ACACA: variants seen among roughly 807,000 people sequenced by gnomAD.
ACACA encodes the protein acetyl-CoA carboxylase alpha, also known as acetyl-CoA carboxylase 1.
Under a neutral mutation model 296.1 loss-of-function variants are expected in ACACA, and 103 were observed. The ratio of observed to expected loss-of-function variants is 0.35; its 90% CI spans 0.30 to 0.41. The LOEUF (loss-of-function observed/expected upper bound fraction) is 0.41, where lower values mean the gene tolerates loss of function less well. Ranked by LOEUF, ACACA falls within the 10% of genes least tolerant of loss-of-function variation. ACACA has a pLI of 1.00. For missense variants in ACACA, 1,554 were observed against 2,989.7 expected (o/e 0.52, Z 11.20); for synonymous variants, 953 against 1,038.6 (o/e 0.92, Z 1.58).
chr17:37,161,010 A>T (rs2076437955), intron 42 of ACACA, among the ~76,000 whole-genome samples: 1 of 152,232 alleles, frequency 6.6e-6, no homozygotes, highest in African/African-American at 2.4e-5. Flanking sequence ...CCACTAGAAG[A>T]AAAGAAGTCA....
chr17:37,125,614 G>T, intron 48 of ACACA, 84 bp downstream of exon 48: 2 of 1,151,290 alleles, frequency 1.7e-6, no homozygotes, highest in Non-Finnish European at 2.6e-6. Context: ...GAACATTATT[G>T]GTATATATCT....
rs539447963 is a variant in ACACA at position 37,113,531 on chromosome 17, T to A, written c.6275-266A>T. On this transcript the variant is annotated intron_variant, in intron 50 of 55. Coordinates refer to ENST00000616317, the MANE Select transcript of ACACA (RefSeq NM_198834.3). This position sits in a 1 kb window ranked among gnomAD's most constrained non-coding sequence, Gnocchi z 4.0. Reference sequence around the variant, plus strand: ...TTCCAGATTGCCTTTCCATTTTATATCCTCTCTGAATTTCTGTACTCACGT... The same window carrying A: ...TTCCAGATTGCCTTTCCATTTTATAACCTCTCTGAATTTCTGTACTCACGT... Among the ~76,000 whole-genome samples, 6 of 152,320 alleles carry A rather than the reference T, an allele frequency of 3.9e-5. No homozygotes were observed. In the East Asian group the frequency reaches 1.2e-3, roughly 29 times the overall value.
chr17:37,287,532 G>C (rs971283552), intron 3 of ACACA, among the ~76,000 whole-genome samples: 3 of 136,082 alleles, frequency 2.2e-5, no homozygotes, highest in Non-Finnish European at 4.6e-5. Context: ...AGGAGTTCTA[G>C]ACCAGCTTGG....
chr17:37,382,962 G>A (rs763385020), intron 1 of ACACA, among the ~76,000 whole-genome samples: 13 of 152,130 alleles, frequency 8.5e-5, no homozygotes, highest in South Asian at 4.1e-4. Flanking sequence ...ACTTGAACCC[G>A]GGAGGCGGAG....
chr17:37,300,871 A>G (rs1450544693), intron 3 of ACACA, among the ~76,000 whole-genome samples: 2 of 152,138 alleles, frequency 1.3e-5, no homozygotes, highest in African/African-American at 4.8e-5. Context: ...TTTCCCTTTA[A>G]AGAACCAAGC....
rs2077232661 is a variant in ACACA, at chr17:37,179,306, T to C, written c.5033A>G (p.Asp1678Gly). 1 of 1,614,124 alleles carries C rather than the reference T, an allele frequency of 6.2e-7. No individual in the cohort carries two copies. The change falls in exon 41 of 56, where the codon GAT becomes GGT. Residue 1678 changes from aspartate to glycine, a missense_variant. Around this residue, in one of 16 missense-constraint regions of ACACA, gnomAD observed 553 missense variants for 1,043.6 expected, o/e 0.53. Transcript: ENST00000616317. Reference protein sequence around the residue: ...MLTYTELVLDDQGQLVHMNRL... With the variant: ...MLTYTELVLDGQGQLVHMNRL... ...GTTCATGTGGACCAGCTGACCTTGA[T>C]CATCCAGTACCAGTTCAGTGTAAGT...
At chr17:37,301,821 G>A (rs545069146) in intron 3 of ACACA, among the ~76,000 whole-genome samples, 26 of 152,062 alleles carry the variant, frequency 1.7e-4, no homozygotes, top group African/African-American at 5.3e-4. Flanking sequence ...TTTTAGGATC[G>A]GCTTGTCAAA....
rs557623558 is a variant in ACACA at position 37,120,074 on chromosome 17, G to A, written c.6274+1281C>T. On this transcript the variant is annotated intron_variant, in intron 50 of 55. Coordinates refer to ENST00000616317, the MANE Select transcript of ACACA (RefSeq NM_198834.3). ...CCATCTGGCTAATTTTGTATTTTTT[G>A]TAGAGACAGGGTTTCACTATGTTGG... Among the ~76,000 whole-genome samples, 113 of 151,498 alleles carry A rather than the reference G, an allele frequency of 7.5e-4. 2 individuals are homozygous for A. The South Asian group carries it at 0.022, about 30-fold the overall frequency.
At chr17:37,209,488 T>C (rs1159090076) in intron 30 of ACACA, among the ~76,000 whole-genome samples, 1 of 152,156 alleles carries the variant, frequency 6.6e-6, no homozygotes, top group Non-Finnish European at 1.5e-5. Context: ...ACTATTCAGT[T>C]TCCCCTCACT....
At chr17:37,180,590 T>C (rs2077281560) in intron 40 of ACACA, among the ~76,000 whole-genome samples, 1 of 152,150 alleles carries the variant, frequency 6.6e-6, no homozygotes, top group Non-Finnish European at 1.5e-5. Context: ...AGAAGAAAAA[T>C]CTGCAGCATA....
chr17:37,130,601 C>A (rs369472114), intron 45 of ACACA, among the ~76,000 whole-genome samples: 1 of 151,260 alleles, frequency 6.6e-6, no homozygotes, highest in Non-Finnish European at 1.5e-5. Flanking sequence ...AAAAAAAAAA[C>A]AAAAAATACT....
At chr17:37,150,984 G>A (rs575687649) in intron 44 of ACACA, among the ~76,000 whole-genome samples, 8 of 151,592 alleles carry the variant, frequency 5.3e-5, no homozygotes, top group African/African-American at 1.2e-4. Context: ...CACGGGAGGC[G>A]GAGGTTGCAG....
In ACACA at chr17:37,246,996, ATG is replaced by A; in HGVS notation, c.2310-22_2310-21del. On this transcript the variant is annotated intron_variant, in intron 18 of 55. Coordinates refer to ENST00000616317, the MANE Select transcript of ACACA (RefSeq NM_198834.3). ...CGATATCTAGGAGACAAGTGGAAGT[ATG>A]TAAGCTAAGAAAGCACCTCAGGATG... 6.2e-7 allele frequency: 1 copy of A among 1,613,958 alleles called. No individual in the cohort carries two copies. The highest frequency in any genetic ancestry group is 8.5e-7 in the Non-Finnish European group (1 of 1,179,872).
chr17:37,390,304 T>TTTTATATATATATATATTA (rs1201500381), intron 1 of ACACA, among the ~76,000 whole-genome samples: 1 of 17,988 alleles, frequency 5.6e-5, no homozygotes, highest in Non-Finnish European at 8.1e-5. Context: ...TTATACATAA[T>TTTTATATATATATATATTA]TATATATATA....
chr17:37,112,460 G>A lies in ACACA; in HGVS notation c.6452+628C>T, dbSNP rs1215129802. Among the ~76,000 whole-genome samples the A allele has an allele frequency of 2.6e-5, 4 of 152,190 alleles. No homozygotes were observed. The East Asian group carries it at 7.7e-4, about 29-fold the overall frequency. ...GAAACTACAGTTTAGTAAGTTATGA[G>A]ACTCGTCCAAATATAACAAGAGGCA... On this transcript the variant is annotated intron_variant, in intron 51 of 55. Transcript: ENST00000616317.
At chr17:37,149,348 TC>T (rs1163604168) in intron 45 of ACACA, among the ~76,000 whole-genome samples, 4 of 152,194 alleles carry the variant, frequency 2.6e-5, no homozygotes, top group Admixed American at 2.0e-4. Flanking sequence ...TTTACAGATT[TC>T]ACAAAATCAT....
intron 1 of ACACA, among the ~76,000 whole-genome samples, chr17:37,356,091 C>T (rs958181171): frequency 1.3e-5 from 2 of 151,836 alleles, no homozygotes; most frequent in Admixed American, 1.3e-4. Flanking sequence ...TTGCTAGAAC[C>T]TGAGAGGTGG....
chr17:37,232,445 C>T (rs1379466721), intron 25 of ACACA, among the ~76,000 whole-genome samples: 1 of 152,044 alleles, frequency 6.6e-6, no homozygotes, highest in Non-Finnish European at 1.5e-5. Context: ...ATCCAAACAA[C>T]CAAAATGGCT....
intron 39 of ACACA, among the ~76,000 whole-genome samples, chr17:37,184,148 A>G (rs1024164934): frequency 1.7e-4 from 26 of 152,088 alleles, no homozygotes; most frequent in African/African-American, 6.3e-4. Flanking sequence ...CACCATGCCC[A>G]GCCAGTCTTT....
Sources: gnomAD v4.1 joint callset for allele counts (sites outside exome capture counted in the v4.1 genomes callset) on GRCh38, gnomAD v4.1.1 for gene constraint, gnomAD v4.1.1 regional missense constraint, Gnocchi (gnomAD v3.1) non-coding constraint, MANE v1.5 for transcripts, NCBI Gene and HGNC (gene_info 2026-07-23, HGNC 2026-07-21) for gene names.